Variants in GNPNAT1 observed in about 807,000 individuals in gnomAD.
GNPNAT1 encodes glucosamine 6-phosphate N-acetyltransferase.
A neutral mutation model predicts 19.8 loss-of-function variants in GNPNAT1; 11 were observed. The ratio of observed to expected loss-of-function variants is 0.56; its 90% CI spans 0.35 to 0.92. The LOEUF (loss-of-function observed/expected upper bound fraction) is 0.92, where lower values mean the gene tolerates loss of function less well. Among genes scored for constraint, GNPNAT1 ranks in the 40% least tolerant of loss-of-function variants. The pLI, the probability that GNPNAT1 is intolerant of heterozygous loss-of-function variation, is 0.01. For synonymous variants in GNPNAT1, 71 were observed against 72.3 expected (o/e 0.98, Z 0.09); for missense variants, 157 against 211.0 (o/e 0.74, Z 1.59).
intron 3 of GNPNAT1, 21 bp from the exon 4 acceptor site, chr14:52,781,932 A>C: frequency 6.3e-7 from 1 of 1,585,472 alleles, no homozygotes; most frequent in South Asian, 1.2e-5. Flanking sequence ...TGGATAACAA[A>C]GTGTTACATA....
intron 4 of GNPNAT1, 33 bp downstream of exon 4, chr14:52,781,751 C>A: frequency 6.4e-7 from 1 of 1,558,968 alleles, no homozygotes. Flanking sequence ...TGCTAGAAAA[C>A]AGCTGTCCAT....
At chr14:52,789,446 A>AT (rs1883100078) in intron 1 of GNPNAT1, among the ~76,000 whole-genome samples, 1 of 152,220 alleles carries the variant, frequency 6.6e-6, no homozygotes, top group South Asian at 2.1e-4. Flanking sequence ...TACATTAAAC[A>AT]AAGCATTACA....
intron 1 of GNPNAT1, among the ~76,000 whole-genome samples, chr14:52,789,512 T>G (rs957577236): frequency 5.9e-5 from 9 of 152,178 alleles, no homozygotes; most frequent in African/African-American, 1.9e-4. Context: ...AAAAATTTTT[T>G]TATGAGCTAT....
intron 1 of GNPNAT1, among the ~76,000 whole-genome samples, chr14:52,788,870 TAATG>T (rs1485146439): frequency 6.6e-6 from 1 of 151,992 alleles, no homozygotes; most frequent in African/African-American, 2.4e-5. Flanking sequence ...AGCCCTTAAA[TAATG>T]AATTTTAACC....
rs549955635 is a variant in GNPNAT1, at chr14:52,788,983, A to G, written c.-15+2445T>C. Among the ~76,000 whole-genome samples the G allele has an allele frequency of 4.9e-4, 74 of 152,276 alleles. 1 individual carries two copies. The South Asian group carries it at 0.015, about 32-fold the overall frequency. On this transcript the variant is annotated intron_variant, in intron 1 of 5. Coordinates refer to ENST00000216410, the MANE Select transcript of GNPNAT1 (RefSeq NM_198066.4). ...TAATATTGGCTAACACTTATTGAAA[A>G]CTTTCTATATGTTAACTCTTAAAAA... is the stretch of plus-strand genomic sequence containing the variant.
In GNPNAT1 at chr14:52,780,668, T is replaced by C. The variant is rs1882872577; in HGVS notation, c.407+11A>G. On this transcript the variant is annotated intron_variant, in intron 5 of 5. Transcript: ENST00000216410. ...AATTTATCCAGGGTTACCTTGTTTCTGCCTACTTACAATTTGCCAAGCTGC... is the reference window on the plus strand; with the variant it reads ...AATTTATCCAGGGTTACCTTGTTTCCGCCTACTTACAATTTGCCAAGCTGC... 2 of 1,573,566 alleles carry C rather than the reference T, an allele frequency of 1.3e-6. No individual in the cohort carries two copies. Among genetic ancestry groups the C allele is most frequent in the African/African-American group, 2.7e-5 (2 of 74,082 alleles).
chr14:52,777,822 TATA>T lies in GNPNAT1; in HGVS notation c.*486_*488del, dbSNP rs1253910783. On this transcript the variant is annotated 3_prime_UTR_variant, in exon 6 of 6. Coordinates refer to ENST00000216410, the MANE Select transcript of GNPNAT1 (RefSeq NM_198066.4). The stretch of plus-strand genomic sequence containing the variant: ...AATGTTGGACTATACTATGTTTAGT[TATA>T]ATAACTAATTTATCCACCCTGACTT... 4 of 152,246 alleles carry T rather than the reference TATA, an allele frequency of 2.6e-5. No individual in the cohort carries two copies. Among genetic ancestry groups the T allele is most frequent in the Admixed American group, 6.5e-5 (1 of 15,284 alleles). The allele number at this position is 152,246 out of a possible 1,614,324, so 9.4% of individuals were successfully genotyped here.
At chr14:52,781,709 A>C in intron 4 of GNPNAT1, 75 bp downstream of exon 4, 1 of 1,375,696 alleles carries the variant, frequency 7.3e-7, no homozygotes, top group Non-Finnish European at 9.9e-7. Context: ...ATGAGAAAAC[A>C]GATTTGTCTA....
chr14:52,782,016 GT>G, intron 3 of GNPNAT1, 105 bp from the exon 4 acceptor site: 1 of 978,662 alleles, frequency 1.0e-6, no homozygotes, highest in Non-Finnish European at 1.4e-6. Context: ...GTTTAAAGCT[GT>G]TTTACCATAG....
rs138322464 is a variant in GNPNAT1 at position 52,778,446 on chromosome 14, G to A, written c.420C>T (p.Thr140=). Residue 140 remains threonine, a synonymous_variant, in exon 6 of 6, where the codon ACC becomes ACT. Transcript: ENST00000216410. Reference sequence around the variant, plus strand: ...TCAGTTTCTTGCTTAGCAAAGTAAGGGTTGATAATAACCTGAAATTTAAAA... The same window carrying A: ...TCAGTTTCTTGCTTAGCAAAGTAAGAGTTGATAATAACCTGAAATTTAAAA... ...GKQLGKLLLS[T]LTLLSKKLNC... is the part of the protein sequence containing the mutation. The A allele has an allele frequency of 3.6e-4, 582 of 1,605,026 alleles. 2 individuals are homozygous for A. In the East Asian group the frequency reaches 0.011, roughly 31 times the overall value.
intron 1 of GNPNAT1, among the ~76,000 whole-genome samples, chr14:52,785,301 T>C (rs1882989022): frequency 6.6e-6 from 1 of 152,212 alleles, no homozygotes; most frequent in Admixed American, 6.5e-5. Context: ...TTTCATGGGC[T>C]CTTAAATTTT....
rs1462419011 is a variant in GNPNAT1, at chr14:52,775,309, AC to A, written c.*3001del. 1 of 152,134 alleles carries A rather than the reference AC, an allele frequency of 6.6e-6. No individual in the cohort carries two copies. The highest frequency in any genetic ancestry group is 1.5e-5 in the Non-Finnish European group (1 of 68,036). 9.4% of individuals were successfully genotyped at this position (152,134 alleles called of 1,614,324 possible). On this transcript the variant is annotated 3_prime_UTR_variant, in exon 6 of 6. Transcript: ENST00000216410. ...ATCCACAGAACAGCTTTCAGTCATT[AC>A]AAAAAAAAAATACTTCTTGCTTTTA...
intron 4 of GNPNAT1, 146 bp downstream of exon 4, chr14:52,781,638 T>G: frequency 1.4e-6 from 1 of 691,554 alleles, no homozygotes; most frequent in South Asian, 2.0e-5. Context: ...TTATACATTT[T>G]CTTTCTTAAA....
At chr14:52,787,349 A>G (rs929822640) in intron 1 of GNPNAT1, among the ~76,000 whole-genome samples, 2 of 152,126 alleles carry the variant, frequency 1.3e-5, no homozygotes, top group African/African-American at 4.8e-5. Flanking sequence ...CAATGCTGCA[A>G]TATACTAGTT....
rs774683731 is a variant in GNPNAT1, at chr14:52,778,417, C to G, written c.449G>C (p.Cys150Ser). 1 of 1,610,204 alleles carries G rather than the reference C, an allele frequency of 6.2e-7. No individual in the cohort carries two copies. Among genetic ancestry groups the G allele is most frequent in the East Asian group, 2.2e-5 (1 of 44,756 alleles). ...TAGACATTCAAGGGTAATCTTGTAA[C>G]AGTTCAGTTTCTTGCTTAGCAAAGT... ...TLTLLSKKLN[C>S]YKITLECLPQ... The change falls in exon 6 of 6, where the codon TGT becomes TCT. Residue 150 changes from cysteine to serine, a missense_variant. Physicochemically the swap from Cys to Ser is moderately radical, Grantham distance 112. Transcript: ENST00000216410.
In GNPNAT1 at chr14:52,780,676, T is replaced by TA. The variant is rs758679966; in HGVS notation, c.407+2dup. On this transcript the variant is annotated splice_region_variant and intron_variant, in intron 5 of 5. Transcript: ENST00000216410. ...CAGGGTTACCTTGTTTCTGCCTACT[T>TA]ACAATTTGCCAAGCTGCTTTCCTCT... 4 of 1,592,708 alleles carry TA rather than the reference T, an allele frequency of 2.5e-6. No individual in the cohort carries two copies. In the Admixed American group the frequency reaches 6.7e-5, roughly 27 times the overall value.
chr14:52,789,077 A>G (rs1037676966), intron 1 of GNPNAT1, among the ~76,000 whole-genome samples: 1 of 152,218 alleles, frequency 6.6e-6, no homozygotes, highest in Non-Finnish European at 1.5e-5. Context: ...AACTTGCTCA[A>G]GGTTAGAGTG....
At chr14:52,790,000 A>G in intron 1 of GNPNAT1, among the ~76,000 whole-genome samples, 1 of 152,180 alleles carries the variant, frequency 6.6e-6, no homozygotes, top group Non-Finnish European at 1.5e-5. Context: ...AAAAAAAAAA[A>G]AAAAAAAAAT....
Position 52,788,223 on chromosome 14 carries a change from T to G in GNPNAT1, c.-15+3205A>C, listed in dbSNP as rs1165490658. Among the ~76,000 whole-genome samples the G allele has an allele frequency of 2.0e-5, 3 of 152,054 alleles. 1 individual carries two copies. In the East Asian group the frequency reaches 5.9e-4, roughly 30 times the overall value. ...GCAGCCTCAAACTCCTGGGCTCAAG[T>G]GATCCTCCTACCTCAGCTTCCCACA... On this transcript the variant is annotated intron_variant, in intron 1 of 5. Coordinates refer to ENST00000216410, the MANE Select transcript of GNPNAT1 (RefSeq NM_198066.4).
Sources: allele counts gnomAD v4.1 joint callset (sites outside exome capture counted in the v4.1 genomes callset), GRCh38; gene constraint gnomAD v4.1.1; transcripts MANE v1.5; gene names NCBI Gene and HGNC (gene_info 2026-07-23, HGNC 2026-07-21).